Variants in EXOC6B observed in about 807,000 individuals in gnomAD.
The protein encoded by EXOC6B is SEC15 homolog B.
In EXOC6B, 54 loss-of-function variants were observed where a neutral mutation model predicts 113.5. The ratio of observed to expected loss-of-function variants is 0.48; its 90% CI spans 0.38 to 0.60. The LOEUF (loss-of-function observed/expected upper bound fraction) is 0.60, where lower values mean the gene tolerates loss of function less well. EXOC6B is among the 20% of genes least tolerant of loss of function. The probability of loss-of-function intolerance (pLI) is 0.00; values close to 1 mark genes in which losing one functional copy is unlikely to be tolerated. For synonymous variants in EXOC6B, 357 were observed against 339.0 expected, an observed-to-expected ratio of 1.05 and a Z score of -0.58; for missense variants, 797 against 977.5, an observed-to-expected ratio of 0.82 and a Z score of 2.46.
At chr2:72,209,243 A>AAAAAGAAAAG (rs1231419000) in intron 20 of EXOC6B, among the ~76,000 whole-genome samples, 3 of 110,672 alleles carry the variant, frequency 2.7e-5, no homozygotes, top group Admixed American at 9.4e-5. Flanking sequence ...AAAAAAAAAA[A>AAAAAGAAAAG]AAAAGAAAAG....
intron 18 of EXOC6B, among the ~76,000 whole-genome samples, chr2:72,429,139 A>C (rs1225989887): frequency 1.3e-5 from 2 of 152,216 alleles, no homozygotes; most frequent in African/African-American, 4.8e-5. Flanking sequence ...ACTTTTCTGA[A>C]AGTCATCATG....
intron 18 of EXOC6B, among the ~76,000 whole-genome samples, chr2:72,456,012 T>C (rs1053582048): frequency 1.3e-5 from 2 of 152,112 alleles, no homozygotes; most frequent in African/African-American, 4.8e-5. Flanking sequence ...TTCTGACCTC[T>C]GGGCAAGACC....
chr2:72,224,996 A>G (rs192550767), intron 20 of EXOC6B, among the ~76,000 whole-genome samples: 403 of 109,822 alleles, frequency 3.7e-3, no homozygotes, highest in Middle Eastern at 9.4e-3. Context: ...GTGTGTGTGT[A>G]TATATATATA....
chr2:72,319,781 G>T (rs1687742265), intron 20 of EXOC6B, among the ~76,000 whole-genome samples: 1 of 151,780 alleles, frequency 6.6e-6, no homozygotes, highest in Non-Finnish European at 1.5e-5. Context: ...TTGTCAAAAT[G>T]TCAATTTTCC....
intron 18 of EXOC6B, among the ~76,000 whole-genome samples, chr2:72,426,798 T>G (rs1400119179): frequency 6.6e-6 from 1 of 152,216 alleles, no homozygotes; most frequent in Admixed American, 6.5e-5. Flanking sequence ...TTAATTTAGT[T>G]CAAATATTAT....
chr2:72,658,493 G>A (rs897945054), intron 6 of EXOC6B, among the ~76,000 whole-genome samples: 1 of 151,754 alleles, frequency 6.6e-6, no homozygotes, highest in Non-Finnish European at 1.5e-5. Flanking sequence ...ATCCAAGGAA[G>A]AGCAAATCAA....
At chr2:72,252,547 T>C (rs549868541) in intron 20 of EXOC6B, among the ~76,000 whole-genome samples, 7 of 152,334 alleles carry the variant, frequency 4.6e-5, no homozygotes, top group African/African-American at 1.4e-4. Flanking sequence ...AGATTTGGGT[T>C]CACATCTTGG....
chr2:72,199,276 C>T (rs1455496179), intron 20 of EXOC6B, among the ~76,000 whole-genome samples: 1 of 152,110 alleles, frequency 6.6e-6, no homozygotes, highest in East Asian at 1.9e-4. Flanking sequence ...CAGTTCAGCA[C>T]CACACTCAAT....
Position 72,569,638 on chromosome 2 carries a change from C to G in EXOC6B, c.846+5854G>C, listed in dbSNP as rs550200514. 1.4e-3 allele frequency among the ~76,000 whole-genome samples: 218 copies of G among 152,272 alleles called. 1 individual carries two copies. The highest frequency in any genetic ancestry group is 5.1e-3 in the African/African-American group (214 of 41,556). On this transcript the variant is annotated intron_variant, in intron 7 of 21. Transcript: ENST00000272427. The stretch of plus-strand genomic sequence containing the variant: ...TGTTTCTGGCCCATCGGTTGCCAAT[C>G]TGCAACCTCTGGTTTAAACTCTAAA...
chr2:72,430,691 T>C (rs918167191), intron 18 of EXOC6B, among the ~76,000 whole-genome samples: 1 of 152,124 alleles, frequency 6.6e-6, no homozygotes, highest in Admixed American at 6.6e-5. Flanking sequence ...AAAATTCATA[T>C]CAGAGAAGGA....
intron 18 of EXOC6B, among the ~76,000 whole-genome samples, chr2:72,422,752 G>A (rs969623760): frequency 2.6e-5 from 4 of 152,162 alleles, no homozygotes; most frequent in African/African-American, 7.2e-5. Flanking sequence ...TGCACCAATC[G>A]ACACTCTGTA....
chr2:72,249,021 T>G (rs1167340732), intron 20 of EXOC6B, among the ~76,000 whole-genome samples: 1 of 152,192 alleles, frequency 6.6e-6, no homozygotes, highest in Admixed American at 6.5e-5. Flanking sequence ...CTCAGGCTTT[T>G]GGGAGGCCAA....
Position 72,631,933 on chromosome 2 carries a change from A to G in EXOC6B, c.670-56265T>C, listed in dbSNP as rs1015051361. 6.7e-4 allele frequency among the ~76,000 whole-genome samples: 102 copies of G among 152,216 alleles called. 1 individual carries two copies. Among genetic ancestry groups the G allele is most frequent in the Admixed American group, 3.9e-4 (6 of 15,272 alleles). On this transcript the variant is annotated intron_variant, in intron 6 of 21. Coordinates refer to ENST00000272427, the MANE Select transcript of EXOC6B (RefSeq NM_015189.3). ...TTATCAAATGCATGGTGATGCCAAC[A>G]TGAAAAGCAATTTAAAGTAAATTCC... is the stretch of plus-strand genomic sequence containing the variant.
At chr2:72,735,441 G>C (rs2104790953) in intron 2 of EXOC6B, among the ~76,000 whole-genome samples, 1 of 152,208 alleles carries the variant, frequency 6.6e-6, no homozygotes, top group East Asian at 1.9e-4. Flanking sequence ...TACTGATCAA[G>C]GCACACTAAA....
chr2:72,587,397 G>T (rs569893675), intron 6 of EXOC6B, among the ~76,000 whole-genome samples: 1 of 152,184 alleles, frequency 6.6e-6, no homozygotes, highest in East Asian at 1.9e-4. Context: ...GGCAACAATA[G>T]ACACTGGGGA....
intron 7 of EXOC6B, among the ~76,000 whole-genome samples, chr2:72,573,988 C>T (rs1240656788): frequency 6.6e-6 from 1 of 151,686 alleles, no homozygotes; most frequent in Non-Finnish European, 1.5e-5. Context: ...TGGTGGCGGG[C>T]GCCTGTAGTC....
chr2:72,777,922 A>G (rs975710481), intron 1 of EXOC6B, among the ~76,000 whole-genome samples: 2 of 152,198 alleles, frequency 1.3e-5, no homozygotes, highest in Non-Finnish European at 2.9e-5. Flanking sequence ...AAAATCACAA[A>G]GAAAATAAGT....
At chr2:72,765,109 A>G (rs1454356727) in intron 1 of EXOC6B, among the ~76,000 whole-genome samples, 9 of 151,436 alleles carry the variant, frequency 5.9e-5, no homozygotes, top group Non-Finnish European at 1.3e-4. Flanking sequence ...GGGACTTGAT[A>G]AGGTCCCTTC....
rs553968189 is a variant in EXOC6B at position 72,678,104 on chromosome 2, A to T, written c.669+39999T>A. Among the ~76,000 whole-genome samples, 3 of 152,342 alleles carry T rather than the reference A, an allele frequency of 2.0e-5. No homozygotes were observed. The South Asian group carries it at 6.2e-4, about 32-fold the overall frequency. Reference sequence around the variant, plus strand: ...TCACCAGGACCCTGACAGCCTGACAACATCAATGTATTGCACATCCTGAGG... The same window carrying T: ...TCACCAGGACCCTGACAGCCTGACATCATCAATGTATTGCACATCCTGAGG... On this transcript the variant is annotated intron_variant, in intron 6 of 21. Transcript: ENST00000272427.
Sources: allele counts gnomAD v4.1 joint callset (sites outside exome capture counted in the v4.1 genomes callset), GRCh38; gene constraint gnomAD v4.1.1; transcripts MANE v1.5; gene names NCBI Gene and HGNC (gene_info 2026-07-23, HGNC 2026-07-21).